CR1L: variants seen among roughly 807,000 people sequenced by gnomAD.
CR1L encodes complement C3b/C4b receptor 1 like, also known as complement component receptor 1-like protein.
In CR1L, 59 loss-of-function variants were observed where a neutral mutation model predicts 62.3. The observed-to-expected ratio is 0.95, with a 90% CI of 0.77 to 1.18. CR1L has a LOEUF of 1.18. CR1L is among the 50% of genes most tolerant of loss of function. The probability of loss-of-function intolerance (pLI) is 0.00; values close to 1 mark genes in which losing one functional copy is unlikely to be tolerated. For missense variants in CR1L, 700 were observed against 702.8 expected, an observed-to-expected ratio of 1.00 and a Z score of 0.04; for synonymous variants, 279 against 248.7, an observed-to-expected ratio of 1.12 and a Z score of -1.15.
chr1:207,712,500 A>C lies in CR1L; in HGVS notation c.1414+4237A>C, dbSNP rs1819221. 3.3e-5 allele frequency among the ~76,000 whole-genome samples: 5 copies of C among 152,104 alleles called. No homozygotes were observed. The East Asian group carries it at 9.7e-4, about 29-fold the overall frequency. ...AAAAGAAATTCCCCCATAACTAACAAGTACTCTGGAACTGTCCTTTCTACA... is the reference window on the plus strand; with the variant it reads ...AAAAGAAATTCCCCCATAACTAACACGTACTCTGGAACTGTCCTTTCTACA... On this transcript the variant is annotated intron_variant, in intron 10 of 11. Transcript: ENST00000508064.
intron 5 of CR1L, among the ~76,000 whole-genome samples, chr1:207,695,178 TGCAGAGGTGAGATCATG>T (rs1413537572): frequency 2.0e-5 from 3 of 152,180 alleles, no homozygotes; most frequent in Non-Finnish European, 4.4e-5. Context: ...CAAGTTGGAC[TGCAGAGGTGAGATCATG>T]GCTTACTGCA....
At chr1:207,666,327 A>G (rs1663523253) in intron 1 of CR1L, among the ~76,000 whole-genome samples, 1 of 152,208 alleles carries the variant, frequency 6.6e-6, no homozygotes, top group Non-Finnish European at 1.5e-5. Context: ...CTTATGCATT[A>G]CAAAAAACAG....
chr1:207,656,009 C>T (rs1327921430), intron 1 of CR1L, among the ~76,000 whole-genome samples: 3 of 152,100 alleles, frequency 2.0e-5, no homozygotes, highest in Admixed American at 6.5e-5. Context: ...GAGGCCGACG[C>T]GGGTGGATCG....
In CR1L at chr1:207,645,238, C is replaced by A. The variant is rs553933937; in HGVS notation, c.5C>A (p.Ala2Glu). The A allele has an allele frequency of 1.9e-6, 3 of 1,612,894 alleles. No homozygotes were observed. The highest frequency in any genetic ancestry group is 2.5e-6 in the Non-Finnish European group (3 of 1,179,982). Residue 2 changes from alanine (A) to glutamate (E), a missense_variant, in exon 1 of 12, where the codon GCG (alanine) becomes GAG (glutamate). By Grantham distance (107) the Ala-to-Glu change is moderately radical. Transcript: ENST00000508064. ...ACGGGGTCTCCCGCGCCGCTCATGG[C>A]GCCTCCCGTCCGTCTCGAGCGTCCC... M[A>E]PPVRLERPFP...
intron 9 of CR1L, among the ~76,000 whole-genome samples, chr1:207,703,762 C>G (rs1664227538): frequency 6.6e-6 from 1 of 152,208 alleles, no homozygotes; most frequent in African/African-American, 2.4e-5. Context: ...CAAGACCAGC[C>G]TGGCCAACAT....
At chr1:207,719,726 A>G (rs1654090334) in intron 11 of CR1L, among the ~76,000 whole-genome samples, 1 of 152,034 alleles carries the variant, frequency 6.6e-6, no homozygotes, top group Non-Finnish European at 1.5e-5. Flanking sequence ...TCAAACACAC[A>G]CACACACACA....
At chr1:207,662,118 A>G (rs1663434470) in intron 1 of CR1L, among the ~76,000 whole-genome samples, 1 of 151,926 alleles carries the variant, frequency 6.6e-6, no homozygotes, top group Admixed American at 6.6e-5. Flanking sequence ...TCTGACAATT[A>G]TGTGTCTTGG....
chr1:207,696,818 T>A (rs906660264), intron 5 of CR1L, among the ~76,000 whole-genome samples: 1 of 152,240 alleles, frequency 6.6e-6, no homozygotes, highest in Admixed American at 6.5e-5. Flanking sequence ...AGCGCTGCCC[T>A]TACAATATGT....
chr1:207,652,439 C>T (rs1666587143), intron 1 of CR1L: 1 of 699,570 alleles, frequency 1.4e-6, no homozygotes, highest in Non-Finnish European at 2.6e-6. Flanking sequence ...AAAATCTTGC[C>T]AAGGGCCTTC....
intron 4 of CR1L, among the ~76,000 whole-genome samples, chr1:207,687,826 T>G (rs1463478368): frequency 2.0e-5 from 3 of 152,266 alleles, no homozygotes. Flanking sequence ...TCTCTTGTTT[T>G]CTAATAAATG....
rs2102483814 is a variant in CR1L, at chr1:207,717,693, T to C, written c.1642+2T>C. ...GCTGTGAACTTCCTGTTGGTGCTGG[T>C]CAGTATCCGCTTCCACATATCCTAA... On this transcript the variant is annotated splice_donor_variant, in intron 11 of 11. Transcript: ENST00000508064. LOFTEE classifies it high-confidence loss of function. 6.2e-7 allele frequency: 1 copy of C among 1,614,002 alleles called. No homozygotes were observed. The highest frequency in any genetic ancestry group is 1.1e-5 in the South Asian group (1 of 91,080).
rs533350525 is a variant in CR1L, at chr1:207,681,007, G to A, written c.377+2710G>A. On this transcript the variant is annotated intron_variant, in intron 3 of 11. Transcript: ENST00000508064. ...GTGTCTTCCAGGTGGCTACCCTTAA[G>A]CTGTGTGCTCAAATAAACTCTATCC... Among the ~76,000 whole-genome samples the A allele has an allele frequency of 1.1e-4, 17 of 152,262 alleles. No homozygotes were observed. In the South Asian group the frequency reaches 1.2e-3, roughly 11 times the overall value.
intron 9 of CR1L, among the ~76,000 whole-genome samples, chr1:207,705,744 A>G (rs1355202773): frequency 1.3e-5 from 2 of 152,172 alleles, no homozygotes; most frequent in African/African-American, 4.8e-5. Flanking sequence ...GGCATGAGGC[A>G]GAAAACCATT....
chr1:207,719,654 G>T (rs916393863), intron 11 of CR1L, among the ~76,000 whole-genome samples: 1 of 152,064 alleles, frequency 6.6e-6, no homozygotes, highest in Non-Finnish European at 1.5e-5. Context: ...GGGAGGTCGA[G>T]GCTGCAGTGA....
chr1:207,677,311 A>C, intron 1 of CR1L, 78 bp from the exon 2 acceptor site: 1 of 226,078 alleles, frequency 4.4e-6, no homozygotes, highest in Non-Finnish European at 5.9e-6. Flanking sequence ...CTGTCACAAA[A>C]AAAAAAAAAA....
At chr1:207,682,272 G>C (rs1558017695) in intron 3 of CR1L, among the ~76,000 whole-genome samples, 2 of 151,942 alleles carry the variant, frequency 1.3e-5, no homozygotes, top group Non-Finnish European at 2.9e-5. Context: ...AGGAATTCAA[G>C]ACCACCCTAG....
chr1:207,656,536 G>A (rs1192319132), intron 1 of CR1L, among the ~76,000 whole-genome samples: 3 of 152,118 alleles, frequency 2.0e-5, no homozygotes, highest in Admixed American at 1.3e-4. Context: ...AAAGAAAAGA[G>A]GTTTAATTGG....
chr1:207,714,175 G>A (rs775276378), intron 10 of CR1L, among the ~76,000 whole-genome samples: 13 of 152,214 alleles, frequency 8.5e-5, no homozygotes, highest in Non-Finnish European at 1.9e-4. Context: ...GTGGACCCCA[G>A]ATGAAGTCAG....
intron 1 of CR1L, chr1:207,652,750 C>CTT (rs59228006): frequency 0.012 from 7,866 of 652,204 alleles, 21 homozygotes; most frequent in African/African-American, 0.031. Context: ...ATAAACTAGC[C>CTT]TTTTTTTTTT....
Sources: allele counts gnomAD v4.1 joint callset (sites outside exome capture counted in the v4.1 genomes callset), GRCh38; gene constraint gnomAD v4.1.1; transcripts MANE v1.5; gene names NCBI Gene and HGNC (gene_info 2026-07-23, HGNC 2026-07-21).